PIH1D2: variants seen among roughly 807,000 people sequenced by gnomAD.
The protein encoded by PIH1D2 is PIH1 domain containing 2.
In PIH1D2, 25 loss-of-function variants were observed where a neutral mutation model predicts 31.2. That is an observed-to-expected ratio of 0.80 (90% CI 0.58 to 1.12). The LOEUF (loss-of-function observed/expected upper bound fraction) is 1.12, where lower values mean the gene tolerates loss of function less well. Ranked by LOEUF, PIH1D2 falls within the 50% of genes most tolerant of loss-of-function variation. The probability of loss-of-function intolerance (pLI) is 0.00; values close to 1 mark genes in which losing one functional copy is unlikely to be tolerated. For missense variants in PIH1D2, 310 were observed against 356.6 expected (o/e 0.87, Z 1.05); for synonymous variants, 116 against 119.9 (o/e 0.97, Z 0.21).
downstream of PIH1D2, among the ~76,000 whole-genome samples, chr11:112,065,292 G>A (rs1864879677): frequency 6.6e-6 from 1 of 152,128 alleles, no homozygotes; most frequent in African/African-American, 2.4e-5. Flanking sequence ...AAATGAGTGA[G>A]AATATTTTGG....
In PIH1D2 at chr11:112,073,758, C is replaced by A. The variant is rs7101620; in HGVS notation, c.-32+222G>T. On this transcript the variant is annotated intron_variant, in intron 1 of 5. Transcript: ENST00000280350. ...GTAAGCTAATAGAGAGGCTGGGACA[C>A]TTCTCTACGTCTTCAGATAAATCTC... 2.5e-3 allele frequency among the ~76,000 whole-genome samples: 386 copies of A among 152,316 alleles called. 3 individuals carry two copies. Among genetic ancestry groups the A allele is most frequent in the African/African-American group, 8.9e-3 (369 of 41,578 alleles).
chr11:112,067,685 A>AAAAATATATAT, downstream of PIH1D2: 5 of 17,798 alleles, frequency 2.8e-4, no homozygotes, highest in African/African-American at 3.5e-4. Context: ...AAAAAAAAAA[A>AAAAATATATAT]ATATATATAT....
At chr11:112,061,110 C>G (rs782550786), downstream of PIH1D2, 8 of 1,613,994 alleles carry the variant, frequency 5.0e-6, no homozygotes, top group South Asian at 1.1e-5. Flanking sequence ...TAACCCACCT[C>G]AAGCATGTAT....
downstream of PIH1D2, among the ~76,000 whole-genome samples, chr11:112,059,353 CT>C (rs1229235062): frequency 2.4e-3 from 314 of 130,630 alleles, no homozygotes; most frequent in South Asian, 5.8e-3. Flanking sequence ...ATTTCTCATT[CT>C]TTTTTTTTTT....
chr11:112,065,343 A>C (rs782553810), downstream of PIH1D2, among the ~76,000 whole-genome samples: 4 of 152,238 alleles, frequency 2.6e-5, no homozygotes, highest in Non-Finnish European at 5.9e-5. Context: ...TAAGTATATT[A>C]GGTCTTGATG....
the PIH1D2 span, among the ~76,000 whole-genome samples, chr11:112,052,899 T>C: frequency 6.6e-6 from 1 of 152,094 alleles, no homozygotes; most frequent in East Asian, 1.9e-4. Context: ...ATGGAGCTTA[T>C]TATATAAGGG....
intron 4 of PIH1D2, 32 bp from the exon 5 acceptor site, chr11:112,070,733 A>C: frequency 1.3e-6 from 2 of 1,594,040 alleles, no homozygotes; most frequent in South Asian, 2.2e-5. Context: ...GGGGAGATAA[A>C]AAATAAATCT....
At chr11:112,062,799 C>T (rs945300080), downstream of PIH1D2, 15 of 420,326 alleles carry the variant, frequency 3.6e-5, no homozygotes, top group Admixed American at 2.1e-4. Flanking sequence ...TTGCCTAGCC[C>T]TTTGGTGATA....
intron 5 of PIH1D2, among the ~76,000 whole-genome samples, chr11:112,068,992 T>G (rs945676406): frequency 1.2e-4 from 18 of 145,696 alleles, no homozygotes; most frequent in Admixed American, 2.7e-4. Flanking sequence ...GTTTTTTTTT[T>G]TTTTTGTTTT....
chr11:112,069,298 C>G (rs1555184250), intron 5 of PIH1D2, among the ~76,000 whole-genome samples: 2 of 152,032 alleles, frequency 1.3e-5, no homozygotes, highest in African/African-American at 4.8e-5. Context: ...GTCACCGTAC[C>G]CAGCCAAAAC....
downstream of PIH1D2, among the ~76,000 whole-genome samples, chr11:112,060,869 A>G (rs1183366801): frequency 1.3e-5 from 2 of 152,160 alleles, no homozygotes; most frequent in African/African-American, 2.4e-5. Flanking sequence ...TCCGGCTGAC[A>G]TTTTTGTTCA....
intron 2 of PIH1D2, 99 bp downstream of exon 2, chr11:112,072,899 A>AAAAAAAAC: frequency 8.4e-7 from 1 of 1,196,012 alleles, no homozygotes; most frequent in Non-Finnish European, 1.1e-6. Flanking sequence ...CAAAAAAAAA[A>AAAAAAAAC]CAAAAAAAAT....
At chr11:112,062,416 G>A, downstream of PIH1D2, 1 of 1,612,452 alleles carries the variant, frequency 6.2e-7, no homozygotes, top group East Asian at 2.2e-5. Flanking sequence ...GTTTGATGTG[G>A]CTAGCATGAT....
chr11:112,057,325 T>G, the PIH1D2 span, among the ~76,000 whole-genome samples: 1 of 152,192 alleles, frequency 6.6e-6, no homozygotes, highest in African/African-American at 2.4e-5. Context: ...AAGGAAGACT[T>G]TCACGTCTCT....
intron 4 of PIH1D2, 116 bp from the exon 5 acceptor site, chr11:112,070,817 G>A (rs1033521704): frequency 3.9e-6 from 5 of 1,296,220 alleles, no homozygotes; most frequent in Non-Finnish European, 5.2e-6. Context: ...AGTTAAATTA[G>A]TTTGGGAATC....
chr11:112,073,318 T>A (rs1275514887), intron 1 of PIH1D2, 113 bp from the exon 2 acceptor site: 2 of 677,678 alleles, frequency 3.0e-6, no homozygotes, highest in Middle Eastern at 4.0e-4. Context: ...AGGACAGCAT[T>A]TGTGTCTAAA....
At chr11:112,057,860 G>T in the PIH1D2 span, among the ~76,000 whole-genome samples, 1 of 152,188 alleles carries the variant, frequency 6.6e-6, no homozygotes, top group African/African-American at 2.4e-5. Flanking sequence ...TAAAAGTTCA[G>T]GTGATTTTTA....
At chr11:112,068,592 T>C (rs1865007679) in intron 5 of PIH1D2, among the ~76,000 whole-genome samples, 1 of 152,010 alleles carries the variant, frequency 6.6e-6, no homozygotes, top group Non-Finnish European at 1.5e-5. Flanking sequence ...GAGACCAACA[T>C]GGGCAACATG....
the PIH1D2 span, among the ~76,000 whole-genome samples, chr11:112,052,696 A>G: frequency 6.6e-6 from 1 of 152,040 alleles, no homozygotes; most frequent in Non-Finnish European, 1.5e-5. Flanking sequence ...GGCTGGGGAG[A>G]AAAAGGAAAG....
Sources: allele counts gnomAD v4.1 joint callset (sites outside exome capture counted in the v4.1 genomes callset), GRCh38; gene constraint gnomAD v4.1.1; transcripts MANE v1.5; gene names NCBI Gene and HGNC (gene_info 2026-07-23, HGNC 2026-07-21).